The following ZNF708 variants were observed in gnomAD, a reference collection of about 807,000 sequenced individuals.
The protein encoded by ZNF708 is ZNF15, ZNF15L1.
In ZNF708, 44 loss-of-function variants were observed where a neutral mutation model predicts 47.0. The ratio of observed to expected loss-of-function variants is 0.94; its 90% CI spans 0.74 to 1.20. The LOEUF is 1.20. Among genes scored for constraint, ZNF708 ranks in the 50% most tolerant of loss-of-function variants. ZNF708 has a pLI of 0.00. For synonymous variants in ZNF708, 184 were observed against 218.5 expected (o/e 0.84, Z 1.39); for missense variants, 557 against 656.0 (o/e 0.85, Z 1.65).
chr19:21,324,574 T>TA (rs979681385), intron 1 of ZNF708, among the ~76,000 whole-genome samples: 16 of 148,130 alleles, frequency 1.1e-4, no homozygotes, highest in South Asian at 4.3e-4. Context: ...TTTCAAAAAA[T>TA]AAAAAAAAAA....
At chr19:21,307,479 G>A (rs926532003) in intron 3 of ZNF708, among the ~76,000 whole-genome samples, 1 of 152,060 alleles carries the variant, frequency 6.6e-6, no homozygotes, top group Non-Finnish European at 1.5e-5. Context: ...AAAATTAGCT[G>A]GGCATGGTGG....
At chr19:21,298,730 C>G (rs516519) in intron 3 of ZNF708, among the ~76,000 whole-genome samples, 120,629 of 152,158 alleles carry the variant, frequency 0.79, 48,090 homozygotes, top group Middle Eastern at 0.91. Context: ...CATGAACTTT[C>G]ACATATATGG....
intron 1 of ZNF708, among the ~76,000 whole-genome samples, chr19:21,316,828 C>T (rs1973024808): frequency 6.6e-6 from 1 of 151,718 alleles, no homozygotes; most frequent in African/African-American, 2.4e-5. Flanking sequence ...CTCTTGTTGC[C>T]CAGGCTGGAG....
intron 1 of ZNF708, among the ~76,000 whole-genome samples, chr19:21,316,133 CTTTTT>C (rs544312163): frequency 0.013 from 1,324 of 105,512 alleles, 8 homozygotes; most frequent in Middle Eastern, 0.044. Flanking sequence ...TTTCTTTTTT[CTTTTT>C]TTTTTTTTTT....
chr19:21,302,222 TA>T (rs1200955789), intron 3 of ZNF708, among the ~76,000 whole-genome samples: 1 of 152,118 alleles, frequency 6.6e-6, no homozygotes, highest in African/African-American at 2.4e-5. Context: ...CATATAGAAT[TA>T]TTTACTATCA....
In ZNF708 at chr19:21,294,589, T is replaced by C; in HGVS notation, c.377A>G (p.Lys126Arg). 5 of 1,614,150 alleles carry C rather than the reference T, an allele frequency of 3.1e-6. No homozygotes were observed. Among genetic ancestry groups the C allele is most frequent in the Non-Finnish European group, 4.2e-6 (5 of 1,180,002 alleles). Residue 126 changes from lysine (K) to arginine (R), a missense_variant, in exon 4 of 4, where the codon AAG (lysine) becomes AGG (arginine). Lys to Arg is a conservative substitution (Grantham distance 26). Coordinates refer to ENST00000356929, the MANE Select transcript of ZNF708 (RefSeq NM_021269.3). ...DEHKLHKGGHKGLNRCVTTTQ... is the reference protein window; with the variant it reads ...DEHKLHKGGHRGLNRCVTTTQ... Reference sequence around the variant, plus strand: ...AGTTGTCACACACCGGTTAAGTCCCTTGTGACCTCCTTTGTGCAACTTATG... The same window carrying C: ...AGTTGTCACACACCGGTTAAGTCCCCTGTGACCTCCTTTGTGCAACTTATG...
At chr19:21,309,432 G>A in intron 2 of ZNF708, 91 bp from the exon 3 acceptor site, 2 of 1,227,434 alleles carry the variant, frequency 1.6e-6, no homozygotes, top group Non-Finnish European at 2.2e-6. Context: ...TGTAGGCCAG[G>A]CACAGTGGCT....
chr19:21,320,792 A>G lies in ZNF708; in HGVS notation c.3+8418T>C, dbSNP rs1216377330. ...TTAAAAAAAAAAAAAAAAAAAGAAC[A>G]GCATTATATCCTGTGCAGCAACATG... is the stretch of plus-strand genomic sequence containing the variant. On this transcript the variant is annotated intron_variant, in intron 1 of 3. Coordinates refer to ENST00000356929, the MANE Select transcript of ZNF708 (RefSeq NM_021269.3). Among the ~76,000 whole-genome samples, 2 of 149,308 alleles carry G rather than the reference A, an allele frequency of 1.3e-5. 1 individual carries two copies. The highest frequency in any genetic ancestry group is 4.9e-5 in the African/African-American group (2 of 40,524).
chr19:21,304,012 A>T (rs2145160196), intron 3 of ZNF708, among the ~76,000 whole-genome samples: 1 of 152,288 alleles, frequency 6.6e-6, no homozygotes, highest in Non-Finnish European at 1.5e-5. Flanking sequence ...ATAAGAAAAT[A>T]AAAAACTCAG....
At chr19:21,310,156 T>C (rs1972866423) in intron 2 of ZNF708, among the ~76,000 whole-genome samples, 1 of 152,042 alleles carries the variant, frequency 6.6e-6, no homozygotes, top group South Asian at 2.1e-4. Flanking sequence ...ATTAAAGTTA[T>C]CCTCACCTTG....
chr19:21,294,024 G>A lies in ZNF708; in HGVS notation c.942C>T (p.Gly314=), dbSNP rs781609898. 3.7e-6 allele frequency: 6 copies of A among 1,611,110 alleles called. No individual in the cohort carries two copies. In the South Asian group the frequency reaches 6.6e-5, roughly 18 times the overall value. The change falls in exon 4 of 4, where the codon GGC becomes GGT. Residue 314 remains glycine, a synonymous_variant. Transcript: ENST00000356929. The part of the protein sequence containing the change: ...GEKPYKCGEC[G]KAFTLSSHLT... ...GGTGTGAAGATAGGGTAAAGGCTTT[G>A]CCACATTCTCCACATTTGTAGGGTT...
chr19:21,319,394 G>A (rs1973080511), intron 1 of ZNF708, among the ~76,000 whole-genome samples: 1 of 151,392 alleles, frequency 6.6e-6, no homozygotes, highest in Non-Finnish European at 1.5e-5. Context: ...TTATTATTCT[G>A]TATTGCTAAA....
intron 3 of ZNF708, among the ~76,000 whole-genome samples, chr19:21,301,005 T>G (rs956173501): frequency 6.6e-6 from 1 of 152,000 alleles, no homozygotes; most frequent in East Asian, 1.9e-4. Context: ...AAACACAATT[T>G]ATTGGTGTGA....
intron 3 of ZNF708, among the ~76,000 whole-genome samples, chr19:21,299,858 GT>G (rs1972618823): frequency 1.3e-5 from 2 of 151,792 alleles, no homozygotes; most frequent in East Asian, 3.9e-4. Flanking sequence ...CTTAGATAAA[GT>G]TATCATAGTT....
In ZNF708 at chr19:21,325,460, TG is replaced by T. The variant is rs1425374493; in HGVS notation, c.3+3749del. On this transcript the variant is annotated intron_variant, in intron 1 of 3. Coordinates refer to ENST00000356929, the MANE Select transcript of ZNF708 (RefSeq NM_021269.3). ...CAGCAAAGCAAACAAAAACATAAAG[TG>T]GGGAAAGGACACCCTTTTCTACAAA... Among the ~76,000 whole-genome samples, 4 of 152,080 alleles carry T rather than the reference TG, an allele frequency of 2.6e-5. No individual in the cohort carries two copies. In the East Asian group the frequency reaches 5.8e-4, roughly 22 times the overall value.
In ZNF708 at chr19:21,292,495, T is replaced by C. The variant is rs7246339; in HGVS notation, c.*779A>G. 0.14 allele frequency: 21,355 copies of C among 152,182 alleles called. 1,976 individuals are homozygous for C. Among genetic ancestry groups the C allele is most frequent in the Non-Finnish European group, 0.21 (14,254 of 67,976 alleles). The allele number at this position is 152,182 out of a possible 1,614,324, so 9.4% of individuals were successfully genotyped here. On this transcript the variant is annotated 3_prime_UTR_variant, in exon 4 of 4. Coordinates refer to ENST00000356929, the MANE Select transcript of ZNF708 (RefSeq NM_021269.3). ...AACTTTTTTTTCAAATTTATTACAT[T>C]TGCAGGGTTTTTCTCCAATCTGAAT...
At chr19:21,326,382 C>T (rs997955403) in intron 1 of ZNF708, among the ~76,000 whole-genome samples, 12 of 152,080 alleles carry the variant, frequency 7.9e-5, no homozygotes, top group African/African-American at 2.9e-4. Context: ...ACTACACAGC[C>T]ATAAAAAATG....
intron 3 of ZNF708, among the ~76,000 whole-genome samples, chr19:21,295,822 AGGG>A (rs1972516553): frequency 6.6e-6 from 1 of 152,184 alleles, no homozygotes; most frequent in South Asian, 2.1e-4. Flanking sequence ...ACAAAATATT[AGGG>A]CAGGATGACC....
chr19:21,328,539 G>T (rs1475001260), intron 1 of ZNF708, among the ~76,000 whole-genome samples: 1 of 152,172 alleles, frequency 6.6e-6, no homozygotes, highest in Non-Finnish European at 1.5e-5. Flanking sequence ...AAATGCAGGG[G>T]AAAATCAGTC....
Sources: gnomAD v4.1 joint callset for allele counts (sites outside exome capture counted in the v4.1 genomes callset) on GRCh38, gnomAD v4.1.1 for gene constraint, MANE v1.5 for transcripts, NCBI Gene and HGNC (gene_info 2026-07-23, HGNC 2026-07-21) for gene names.